KDR: variants seen among roughly 807,000 people sequenced by gnomAD.
KDR encodes kinase insert domain receptor.
In KDR, 43 loss-of-function variants were observed where a neutral mutation model predicts 160.9. That is an observed-to-expected ratio of 0.27 (90% CI 0.21 to 0.34). KDR has a LOEUF of 0.34. KDR is among the 10% of genes least tolerant of loss of function. The probability of loss-of-function intolerance (pLI) is 1.00; values close to 1 mark genes in which losing one functional copy is unlikely to be tolerated. For missense variants in KDR, 1,469 were observed against 1,666.4 expected (o/e 0.88, Z 2.06); for synonymous variants, 617 against 600.1 (o/e 1.03, Z -0.41).
chr4:55,082,676 T>G (rs1387975772), intron 27 of KDR, 41 bp from the exon 28 acceptor site: 1 of 1,467,706 alleles, frequency 6.8e-7, no homozygotes, highest in Non-Finnish European at 9.5e-7. Context: ...GGTGGTATAT[T>G]TGACTGCAGA....
chr4:55,110,727 C>G lies in KDR; in HGVS notation c.1018G>C (p.Val340Leu), dbSNP rs2110028076. Residue 340 changes from valine (V) to leucine (L), a missense_variant, in exon 8 of 30, where the codon GTG (valine) becomes CTG (leucine). Physicochemically the swap from Val to Leu is conservative, Grantham distance 32. This residue lies in a region of KDR where 792 missense variants were observed against 840.9 expected (regional missense o/e 0.94). Coordinates refer to ENST00000263923, the MANE Select transcript of KDR (RefSeq NM_002253.4). ...ACACGCTCCCCCACCGTGGCTTCCA[C>G]CAGAGATTCCATGCCACTTCCAAAA... ...VAFGSGMESL[V>L]EATVGERVRI... The G allele has an allele frequency of 5.6e-6, 9 of 1,613,094 alleles. No individual in the cohort carries two copies. Among genetic ancestry groups the G allele is most frequent in the Non-Finnish European group, 7.6e-6 (9 of 1,179,844 alleles).
At chr4:55,115,581 G>GGT (rs1560523376) in intron 3 of KDR, among the ~76,000 whole-genome samples, 170 bp from the exon 4 acceptor site, 3 of 149,830 alleles carry the variant, frequency 2.0e-5, no homozygotes, top group African/African-American at 7.6e-5. Flanking sequence ...GCTACATGAG[G>GGT]GTGTGTGTGT....
chr4:55,084,314 A>G (rs1458087200), intron 27 of KDR, among the ~76,000 whole-genome samples: 1 of 152,192 alleles, frequency 6.6e-6, no homozygotes, highest in African/African-American at 2.4e-5. Flanking sequence ...CAAATACTGC[A>G]CTTCTTCAGG....
At chr4:55,094,587 T>A (rs771621563) in intron 21 of KDR, among the ~76,000 whole-genome samples, 3 of 152,218 alleles carry the variant, frequency 2.0e-5, no homozygotes, top group Non-Finnish European at 4.4e-5. Flanking sequence ...TACCCAGATT[T>A]CTCAGGCTAG....
chr4:55,096,325 C>T lies in KDR; in HGVS notation c.2632G>A (p.Glu878Lys). The change falls in exon 19 of 30, where the codon GAG becomes AAG. Residue 878 changes from glutamate (E) to lysine (K), a missense_variant. This residue lies in a region of KDR where 151 missense variants were observed against 207.2 expected (regional missense o/e 0.73). Transcript: ENST00000263923. Reference protein sequence around the residue: ...KMLKEGATHSEHRALMSELKI... With the variant: ...KMLKEGATHSKHRALMSELKI... ...AGTTCAGACATGAGAGCTCGATGCT[C>T]ACTGTGTGTTGCTCCTTCTACAAAT... 1 of 1,611,840 alleles carries T rather than the reference C, an allele frequency of 6.2e-7. No homozygotes were observed. Among genetic ancestry groups the T allele is most frequent in the Non-Finnish European group, 8.5e-7 (1 of 1,178,214 alleles).
At chr4:55,086,298 C>T (rs920138793) in intron 27 of KDR, among the ~76,000 whole-genome samples, 1 of 152,128 alleles carries the variant, frequency 6.6e-6, no homozygotes, top group Non-Finnish European at 1.5e-5. Flanking sequence ...TATCTTATAA[C>T]TCTCAAAACA....
chr4:55,093,926 A>G (rs991846277), intron 21 of KDR, among the ~76,000 whole-genome samples: 1 of 152,192 alleles, frequency 6.6e-6, no homozygotes, highest in Non-Finnish European at 1.5e-5. Context: ...CAGGCCAGGC[A>G]CGGAGGCTTA....
Position 55,104,582 on chromosome 4 carries a change from T to C in KDR, c.1987+61A>G, listed in dbSNP as rs773675449. On this transcript the variant is annotated intron_variant, in intron 13 of 29. Coordinates refer to ENST00000263923, the MANE Select transcript of KDR (RefSeq NM_002253.4). ...CAGTAATCTTTGCATAGCACCTGAA[T>C]TGCACTACATTTAAGGCATTCCAAC... is the stretch of plus-strand genomic sequence containing the variant. 11 of 1,274,376 alleles carry C rather than the reference T, an allele frequency of 8.6e-6. No homozygotes were observed. The East Asian group carries it at 9.5e-5, about 11-fold the overall frequency. The allele number at this position is 1,274,376 out of a possible 1,614,324, so 78.9% of individuals were successfully genotyped here.
At chr4:55,123,302 A>G (rs1720942680) in intron 1 of KDR, among the ~76,000 whole-genome samples, 1 of 152,206 alleles carries the variant, frequency 6.6e-6, no homozygotes, top group Non-Finnish European at 1.5e-5. Context: ...TGAGAAAAAA[A>G]CCATTATTTG....
In KDR at chr4:55,079,626, A is replaced by T; in HGVS notation, c.*315T>A. 1 of 444,794 alleles carries T rather than the reference A, an allele frequency of 2.2e-6. No homozygotes were observed. Among genetic ancestry groups the T allele is most frequent in the Non-Finnish European group, 4.2e-6 (1 of 240,582 alleles). 27.6% of individuals were successfully genotyped at this position (444,794 alleles called of 1,614,324 possible). A position where few individuals can be genotyped will look rare whatever the true frequency, so the allele number is the denominator to read the frequency against. On this transcript the variant is annotated 3_prime_UTR_variant, in exon 30 of 30. Transcript: ENST00000263923. ...CCCAGGTACTGCTACTTCTTTGAGG[A>T]TGGGGCCATTTCTTGAACGTCTTTG...
intron 22 of KDR, 131 bp from the exon 23 acceptor site, chr4:55,090,209 T>C (rs1450847394): frequency 2.0e-6 from 2 of 996,888 alleles, no homozygotes; most frequent in Non-Finnish European, 3.1e-6. Context: ...GGTTAGTATC[T>C]TTTATCAACA....
At chr4:55,123,374 C>T (rs961328235) in intron 1 of KDR, among the ~76,000 whole-genome samples, 11 of 152,146 alleles carry the variant, frequency 7.2e-5, no homozygotes, top group East Asian at 1.9e-4. Flanking sequence ...TGTGCCCACT[C>T]GGCTACCAAA....
intron 10 of KDR, among the ~76,000 whole-genome samples, 192 bp from the exon 11 acceptor site, chr4:55,107,002 A>G (rs539776665): frequency 6.6e-6 from 1 of 152,228 alleles, no homozygotes; most frequent in African/African-American, 2.4e-5. Context: ...AGGTAGATTC[A>G]TTCAGGATAC....
intron 1 of KDR, among the ~76,000 whole-genome samples, chr4:55,123,450 G>A (rs1205819774): frequency 6.6e-6 from 1 of 152,152 alleles, no homozygotes; most frequent in Non-Finnish European, 1.5e-5. Context: ...ACACTTTCCT[G>A]TGTAACAAAT....
intron 4 of KDR, 44 bp downstream of exon 4, chr4:55,115,237 A>C (rs749361020): frequency 1.5e-5 from 23 of 1,550,236 alleles, no homozygotes; most frequent in Non-Finnish European, 2.0e-5. Flanking sequence ...TATTAGCTTA[A>C]AATTATAAAA....
chr4:55,104,836 C>G lies in KDR; in HGVS notation c.1794G>C (p.Leu598Phe), dbSNP rs1720402685. The change falls in exon 13 of 30, where the codon TTG becomes TTC. Residue 598 changes from leucine (L) to phenylalanine (F), a missense_variant. Transcript: ENST00000263923. ...CCAAGTTCTTGCAAACAGGTGTGGGCAACTCTCCCACATGGATTGGCAGAG... is the reference window on the plus strand; with the variant it reads ...CCAAGTTCTTGCAAACAGGTGTGGGGAACTCTCCCACATGGATTGGCAGAG... Reference protein sequence around the residue: ...PQPLPIHVGELPTPVCKNLDT... With the variant: ...PQPLPIHVGEFPTPVCKNLDT... 3 of 1,613,816 alleles carry G rather than the reference C, an allele frequency of 1.9e-6. No homozygotes were observed. The African/African-American group carries it at 4.0e-5, about 22-fold the overall frequency.
chr4:55,095,410 C>T (rs562207055), intron 20 of KDR, among the ~76,000 whole-genome samples, 167 bp downstream of exon 20: 80 of 152,220 alleles, frequency 5.3e-4, no homozygotes, highest in Admixed American at 9.8e-4. Flanking sequence ...AAAACAGAAA[C>T]ATATGGCCCC....
rs2110030176 is a variant in KDR, at chr4:55,113,334, T to G, written c.946A>C (p.Lys316Gln). The change falls in exon 7 of 30, where the codon AAG becomes CAG. Residue 316 changes from lysine to glutamine, a missense_variant. Around this residue, in one of 7 missense-constraint regions of KDR, gnomAD observed 792 missense variants for 840.9 expected, o/e 0.94. Coordinates refer to ENST00000263923, the MANE Select transcript of KDR (RefSeq NM_002253.4). ...ACCCTGACAAATGTGCTGTTCTTCT[T>G]GGTCATCAGCCCACTGGATGCTGCA... ...TCAASSGLMTKKNSTFVRVHE... is the reference protein window; with the variant it reads ...TCAASSGLMTQKNSTFVRVHE... The G allele has an allele frequency of 6.2e-7, 1 of 1,614,146 alleles. No homozygotes were observed. Among genetic ancestry groups the G allele is most frequent in the East Asian group, 2.2e-5 (1 of 44,880 alleles).
chr4:55,120,690 T>C (rs943271996), intron 2 of KDR, among the ~76,000 whole-genome samples: 23 of 152,208 alleles, frequency 1.5e-4, no homozygotes, highest in Admixed American at 1.3e-3. Flanking sequence ...TCAAGAATCA[T>C]ACCAAGCATA....
Sources: allele counts gnomAD v4.1 joint callset (sites outside exome capture counted in the v4.1 genomes callset), GRCh38; gene constraint gnomAD v4.1.1; regional missense constraint gnomAD v4.1.1; transcripts MANE v1.5; gene names NCBI Gene and HGNC (gene_info 2026-07-23, HGNC 2026-07-21).